Variants in ANK3 observed in about 807,000 individuals in gnomAD.
ANK3 encodes the protein ankyrin-3.
Under a neutral mutation model 370.9 loss-of-function variants are expected in ANK3, and 57 were observed. That is an observed-to-expected ratio of 0.15 (90% CI 0.12 to 0.19). The LOEUF (loss-of-function observed/expected upper bound fraction) is 0.19. ANK3 is among the 10% of genes least tolerant of loss of function. ANK3 has a pLI of 1.00. For missense variants in ANK3, 4,439 were observed against 5,302.1 expected, an observed-to-expected ratio of 0.84 and a Z score of 5.06; for synonymous variants, 1,929 against 1,946.3, an observed-to-expected ratio of 0.99 and a Z score of 0.23.
At chr10:60,336,893 C>T (rs1474726486) in intron 1 of ANK3, among the ~76,000 whole-genome samples, 1 of 152,136 alleles carries the variant, frequency 6.6e-6, no homozygotes, top group Non-Finnish European at 1.5e-5. Context: ...CATCTACATT[C>T]TCTTTGCGGT....
chr10:60,289,293 GGTCTT>G (rs1381610764), intron 1 of ANK3, among the ~76,000 whole-genome samples: 1 of 146,384 alleles, frequency 6.8e-6, no homozygotes, highest in Non-Finnish European at 1.5e-5. Context: ...AAAGAGATGG[GGTCTT>G]GCTCTGTTGC....
chr10:60,535,656 T>C (rs1402830194), intron 2 of ANK3, among the ~76,000 whole-genome samples: 2 of 152,114 alleles, frequency 1.3e-5, no homozygotes, highest in East Asian at 3.9e-4. Flanking sequence ...CATCATGCAT[T>C]CTTGGTGAGG....
chr10:60,187,007 T>C (rs2096355086), intron 16 of ANK3, 95 bp from the exon 17 acceptor site: 14 of 1,215,420 alleles, frequency 1.2e-5, no homozygotes, highest in Non-Finnish European at 1.6e-5. Flanking sequence ...CTAGTGGTTT[T>C]CTATGATTGC....
chr10:60,330,023 C>G (rs1157510797), intron 1 of ANK3, among the ~76,000 whole-genome samples: 1 of 152,142 alleles, frequency 6.6e-6, no homozygotes, highest in Non-Finnish European at 1.5e-5. Flanking sequence ...CTGACAAAAA[C>G]AAGCAATGGG....
intron 25 of ANK3, among the ~76,000 whole-genome samples, chr10:60,125,270 T>A (rs1274630609): frequency 6.6e-6 from 1 of 152,206 alleles, no homozygotes; most frequent in Admixed American, 6.5e-5. Flanking sequence ...ATTGGATTGA[T>A]TTCAAGACAA....
chr10:60,365,283 CT>C (rs578075641), intron 1 of ANK3, among the ~76,000 whole-genome samples: 277 of 151,922 alleles, frequency 1.8e-3, no homozygotes, highest in Non-Finnish European at 3.3e-3. Context: ...ATAAAAAATA[CT>C]TTCTTATGAA....
At chr10:60,154,990 C>T (rs1338977555) in intron 23 of ANK3, among the ~76,000 whole-genome samples, 1 of 152,030 alleles carries the variant, frequency 6.6e-6, no homozygotes, top group Middle Eastern at 3.2e-3. Flanking sequence ...AAATATTTAT[C>T]ATTATTGTAA....
chr10:60,217,144 T>C (rs767540159), intron 8 of ANK3, among the ~76,000 whole-genome samples: 1 of 152,134 alleles, frequency 6.6e-6, no homozygotes, highest in Non-Finnish European at 1.5e-5. Context: ...TCTATTTGAT[T>C]CTTCTCTCTT....
At chr10:60,346,443 CA>C (rs35114804) in intron 1 of ANK3, among the ~76,000 whole-genome samples, 105,995 of 151,850 alleles carry the variant, frequency 0.7, 38,263 homozygotes, top group South Asian at 0.91. Context: ...AATAGGCATA[CA>C]AAAAAGTACT....
chr10:60,140,084 C>T, intron 23 of ANK3: 1 of 490,232 alleles, frequency 2.0e-6, no homozygotes, highest in Non-Finnish European at 3.6e-6. Flanking sequence ...ATATATTTTC[C>T]AATTCCTGCA....
intron 1 of ANK3, among the ~76,000 whole-genome samples, chr10:60,360,581 C>A (rs1034653928): frequency 6.6e-6 from 1 of 152,036 alleles, no homozygotes; most frequent in Non-Finnish European, 1.5e-5. Flanking sequence ...TAGTGGTATG[C>A]ACCTGTAGTT....
At chr10:60,653,166 C>T (rs944023773) in intron 1 of ANK3, among the ~76,000 whole-genome samples, 5 of 152,144 alleles carry the variant, frequency 3.3e-5, no homozygotes, top group South Asian at 2.1e-4. Flanking sequence ...ACCCACTTGA[C>T]GAATTATTCT....
At chr10:60,403,658 G>T (rs767095544) in intron 2 of ANK3, among the ~76,000 whole-genome samples, 12 of 152,104 alleles carry the variant, frequency 7.9e-5, no homozygotes, top group Non-Finnish European at 1.6e-4. Flanking sequence ...CGCGATCTCG[G>T]CTCATTGCAA....
At chr10:60,395,632 C>CAT (rs1567004879) in intron 2 of ANK3, among the ~76,000 whole-genome samples, 1 of 148,686 alleles carries the variant, frequency 6.7e-6, no homozygotes, top group Non-Finnish European at 1.5e-5. Context: ...CTCTCTCTCT[C>CAT]TCTCTCTCTC....
chr10:60,033,439 C>T (rs1447537026), intron 43 of ANK3, among the ~76,000 whole-genome samples: 2 of 140,026 alleles, frequency 1.4e-5, no homozygotes, highest in Non-Finnish European at 3.0e-5. Flanking sequence ...TGCTTGAACC[C>T]AGGAGGCGGA....
chr10:60,325,391 T>C (rs1328095932), intron 1 of ANK3, among the ~76,000 whole-genome samples: 1 of 152,224 alleles, frequency 6.6e-6, no homozygotes, highest in African/African-American at 2.4e-5. Flanking sequence ...AAATTATACA[T>C]GTCCTTTCTC....
chr10:60,581,064 A>G (rs74615529), intron 2 of ANK3, among the ~76,000 whole-genome samples: 225 of 152,350 alleles, frequency 1.5e-3, no homozygotes, highest in African/African-American at 5.1e-3. Context: ...ACTCATATGT[A>G]TGTCTTATGT....
At chr10:60,500,011 T>C (rs1417184121) in intron 2 of ANK3, among the ~76,000 whole-genome samples, 1 of 152,198 alleles carries the variant, frequency 6.6e-6, no homozygotes, top group East Asian at 1.9e-4. Context: ...CTAAATATCA[T>C]CTAATATAGA....
At chr10:60,222,805 AC>A (rs2132491275) in intron 8 of ANK3, among the ~76,000 whole-genome samples, 1 of 152,250 alleles carries the variant, frequency 6.6e-6, no homozygotes, top group East Asian at 1.9e-4. Flanking sequence ...CATTTCATGT[AC>A]CTGAGAGTTC....
Sources: allele counts gnomAD v4.1 joint callset (sites outside exome capture counted in the v4.1 genomes callset), GRCh38; gene constraint gnomAD v4.1.1; transcripts MANE v1.5; gene names NCBI Gene and HGNC (gene_info 2026-07-23, HGNC 2026-07-21).